Variants in XPO4 observed in about 807,000 individuals in gnomAD.
The protein encoded by XPO4 is exportin 4, also known as exportin-4.
XPO4 carries 39 observed loss-of-function variants against 143.0 expected under a neutral mutation model. That is an observed-to-expected ratio of 0.27 (90% confidence interval 0.21 to 0.36). The LOEUF (loss-of-function observed/expected upper bound fraction) is 0.36, where lower values mean the gene tolerates loss of function less well. Among genes scored for constraint, XPO4 ranks in the 10% least tolerant of loss-of-function variants. The probability of loss-of-function intolerance (pLI) is 1.00; values close to 1 mark genes in which losing one functional copy is unlikely to be tolerated. For synonymous variants in XPO4, 439 were observed against 474.0 expected (o/e 0.93, Z 0.96); for missense variants, 907 against 1,348.0 (o/e 0.67, Z 5.12).
At chr13:20,828,013 G>A (rs891152575) in intron 6 of XPO4, among the ~76,000 whole-genome samples, 31 of 152,234 alleles carry the variant, frequency 2.0e-4, no homozygotes, top group African/African-American at 6.5e-4. Context: ...CAAGGCAGGC[G>A]GATCACCTGA....
At chr13:20,869,962 C>T (rs970614126) in intron 1 of XPO4, among the ~76,000 whole-genome samples, 20 of 151,578 alleles carry the variant, frequency 1.3e-4, no homozygotes, top group African/African-American at 4.4e-4. Context: ...AAATATTAGC[C>T]GGGTGTGGTG....
chr13:20,892,789 G>A (rs894963166), intron 1 of XPO4, among the ~76,000 whole-genome samples: 7 of 152,010 alleles, frequency 4.6e-5, no homozygotes, highest in African/African-American at 1.7e-4. Context: ...GAGGCTAAAG[G>A]GGGAGGATCG....
chr13:20,849,906 A>G (rs1595129061), intron 4 of XPO4: 1 of 737,644 alleles, frequency 1.4e-6, no homozygotes, highest in Non-Finnish European at 1.7e-6. Flanking sequence ...AGGAGTTCGA[A>G]ACCAGCCTGG....
At chr13:20,854,672 G>GT (rs1440340902) in intron 4 of XPO4, among the ~76,000 whole-genome samples, 9 of 152,066 alleles carry the variant, frequency 5.9e-5, no homozygotes, top group African/African-American at 2.2e-4. Flanking sequence ...AAGTTGATAG[G>GT]TTAAACAAAG....
chr13:20,878,634 T>G (rs2060377555), intron 1 of XPO4, among the ~76,000 whole-genome samples: 2 of 152,186 alleles, frequency 1.3e-5, no homozygotes, highest in Non-Finnish European at 1.5e-5. Context: ...GTTATTTACA[T>G]TTGCGGGAAG....
At chr13:20,899,194 G>A (rs1386847798) in intron 1 of XPO4, among the ~76,000 whole-genome samples, 3 of 151,998 alleles carry the variant, frequency 2.0e-5, no homozygotes, top group Non-Finnish European at 4.4e-5. Context: ...TGGACACCGA[G>A]GGACAACTGT....
chr13:20,874,722 G>A (rs867557705), intron 1 of XPO4, among the ~76,000 whole-genome samples: 8 of 152,266 alleles, frequency 5.3e-5, no homozygotes, highest in South Asian at 4.1e-4. Flanking sequence ...GGCTGGGTGC[G>A]GTGGCTCACG....
chr13:20,815,371 G>A (rs1325739713), intron 9 of XPO4, among the ~76,000 whole-genome samples: 1 of 152,156 alleles, frequency 6.6e-6, no homozygotes, highest in Non-Finnish European at 1.5e-5. Context: ...CCACTCTCGT[G>A]TGGGATGTTG....
chr13:20,852,454 A>G, intron 4 of XPO4: 1 of 985,428 alleles, frequency 1.0e-6, no homozygotes, highest in Non-Finnish European at 1.2e-6. Flanking sequence ...ACATTGGATA[A>G]TGCACATGGC....
At chr13:20,804,191 A>G (rs1327393924) in intron 13 of XPO4, among the ~76,000 whole-genome samples, 1 of 150,538 alleles carries the variant, frequency 6.6e-6, no homozygotes, top group Non-Finnish European at 1.5e-5. Flanking sequence ...TACACTATAT[A>G]TATCTATATA....
chr13:20,820,259 A>T (rs1003683866), intron 9 of XPO4, among the ~76,000 whole-genome samples: 1 of 152,246 alleles, frequency 6.6e-6, no homozygotes, highest in Non-Finnish European at 1.5e-5. Flanking sequence ...TCCTATGTCA[A>T]ATCTTGAAGG....
intron 1 of XPO4, among the ~76,000 whole-genome samples, chr13:20,872,687 A>C (rs2060310977): frequency 6.6e-6 from 1 of 152,158 alleles, no homozygotes; most frequent in African/African-American, 2.4e-5. Flanking sequence ...GAGGTATGTA[A>C]AGAATAAGTA....
At position 20,783,678 on chromosome 13, in the gene XPO4, G is replaced by C. The variant is rs1399612727; in HGVS notation, c.*44C>G. On this transcript the variant is annotated 3_prime_UTR_variant, in exon 23 of 23. Coordinates refer to ENST00000255305, the MANE Select transcript of XPO4 (RefSeq NM_022459.5). ...TCAAGTCAACTTTCAGCAATTCAGTGCACTTTGCAGAAAGGATCTAAATTA... is the reference window on the plus strand; with the variant it reads ...TCAAGTCAACTTTCAGCAATTCAGTCCACTTTGCAGAAAGGATCTAAATTA... 1 of 1,590,970 alleles carries C rather than the reference G, an allele frequency of 6.3e-7. No homozygotes were observed. The highest frequency in any genetic ancestry group is 1.7e-5 in the Admixed American group (1 of 59,928).
At chr13:20,880,628 T>C (rs893801822) in intron 1 of XPO4, among the ~76,000 whole-genome samples, 6 of 152,168 alleles carry the variant, frequency 3.9e-5, no homozygotes, top group African/African-American at 1.4e-4. Flanking sequence ...CAAAACATTG[T>C]ATATTCACAC....
intron 9 of XPO4, among the ~76,000 whole-genome samples, chr13:20,814,380 AT>A (rs1375902272): frequency 1.3e-5 from 2 of 152,212 alleles, no homozygotes; most frequent in African/African-American, 4.8e-5. Context: ...TAACACTCTG[AT>A]ATTAGAACAG....
intron 1 of XPO4, chr13:20,902,425 T>C: frequency 1.0e-6 from 1 of 985,346 alleles, no homozygotes; most frequent in Non-Finnish European, 1.2e-6. Context: ...TACACCACTA[T>C]ATTCCCACGC....
intron 13 of XPO4, among the ~76,000 whole-genome samples, chr13:20,802,776 T>C (rs1441265973): frequency 6.6e-6 from 1 of 152,224 alleles, no homozygotes; most frequent in Middle Eastern, 3.2e-3. Flanking sequence ...AATGTCTATA[T>C]ATTGAAAGAT....
intron 1 of XPO4, among the ~76,000 whole-genome samples, chr13:20,900,378 G>C (rs762231717): frequency 1.1e-4 from 16 of 150,700 alleles, no homozygotes; most frequent in Non-Finnish European, 2.1e-4. Flanking sequence ...AGTGAGACTT[G>C]GTCAAAAAAA....
At chr13:20,792,832 C>T (rs531890585) in intron 18 of XPO4, among the ~76,000 whole-genome samples, 1 of 151,742 alleles carries the variant, frequency 6.6e-6, no homozygotes, top group Non-Finnish European at 1.5e-5. Context: ...GTTGCCCAGG[C>T]TGGAGTGCAA....
Sources: gnomAD v4.1 joint callset for allele counts (sites outside exome capture counted in the v4.1 genomes callset) on GRCh38, gnomAD v4.1.1 for gene constraint, MANE v1.5 for transcripts, NCBI Gene and HGNC (gene_info 2026-07-23, HGNC 2026-07-21) for gene names.